CACNA1D: variants seen among roughly 807,000 people sequenced by gnomAD.
CACNA1D encodes voltage-dependent L-type calcium channel subunit alpha-1D.
In CACNA1D, 55 loss-of-function variants were observed where a neutral mutation model predicts 257.1. That is an observed-to-expected ratio of 0.21 (90% confidence interval 0.17 to 0.27). The LOEUF is 0.27. Ranked by LOEUF, CACNA1D falls within the 10% of genes least tolerant of loss-of-function variation. The probability of loss-of-function intolerance (pLI) is 1.00; values close to 1 mark genes in which losing one functional copy is unlikely to be tolerated. For synonymous variants in CACNA1D, 980 were observed against 1,014.9 expected, an observed-to-expected ratio of 0.97 and a Z score of 0.65; for missense variants, 1,876 against 2,784.0, an observed-to-expected ratio of 0.67 and a Z score of 7.34.
intron 39 of CACNA1D, among the ~76,000 whole-genome samples, chr3:53,783,779 C>T (rs2095438547): frequency 6.6e-6 from 1 of 152,116 alleles, no homozygotes; most frequent in Non-Finnish European, 1.5e-5. Context: ...AGGCCCATGT[C>T]CCCAACCTTT....
intron 39 of CACNA1D, chr3:53,786,599 G>A (rs2095454076): frequency 1.1e-5 from 6 of 564,916 alleles, no homozygotes; most frequent in Non-Finnish European, 1.9e-5. Flanking sequence ...TAGAGTATCA[G>A]TTCATTTAAC....
At chr3:53,794,669 CT>C (rs2095499767) in intron 40 of CACNA1D, among the ~76,000 whole-genome samples, 1 of 152,202 alleles carries the variant, frequency 6.6e-6, no homozygotes, top group African/African-American at 2.4e-5. Flanking sequence ...TATTTACTGT[CT>C]TAGAAATTAA....
At chr3:53,496,223 C>A (rs560680372) in intron 1 of CACNA1D, among the ~76,000 whole-genome samples, 2 of 152,352 alleles carry the variant, frequency 1.3e-5, no homozygotes, top group South Asian at 4.1e-4. Context: ...CGGAAGGCGG[C>A]AGGTGCCTGG....
chr3:53,610,925 T>G (rs1289454981), intron 3 of CACNA1D, among the ~76,000 whole-genome samples: 1 of 152,238 alleles, frequency 6.6e-6, no homozygotes, highest in Non-Finnish European at 1.5e-5. Flanking sequence ...TGTAGTGTAT[T>G]TCTGTTGGCA....
At chr3:53,809,844 G>T in intron 46 of CACNA1D, 134 bp from the exon 47 acceptor site, 2 of 799,032 alleles carry the variant, frequency 2.5e-6, no homozygotes, top group Middle Eastern at 2.2e-4. Flanking sequence ...ACTTCAGTGT[G>T]CCCATGTCCT....
chr3:53,787,432 T>TGTGTGTGTGTGTGTGC (rs2095460459), intron 40 of CACNA1D, among the ~76,000 whole-genome samples: 2 of 151,252 alleles, frequency 1.3e-5, no homozygotes, highest in African/African-American at 4.9e-5. Flanking sequence ...ATTCTGTGTG[T>TGTGTGTGTGTGTGTGC]GTGTGTGTGT....
chr3:53,774,795 G>A lies in CACNA1D; in HGVS notation c.4202+117G>A. 1 of 689,480 alleles carries A rather than the reference G, an allele frequency of 1.5e-6. No individual in the cohort carries two copies. Among genetic ancestry groups the A allele is most frequent in the Non-Finnish European group, 2.6e-6 (1 of 380,122 alleles). 42.7% of individuals were successfully genotyped at this position (689,480 alleles called of 1,614,324 possible). ...TGTGCCTTTCTCAGTTGATTGTGAT[G>A]GCTTTTTGTTTTTGTTTGTTCTGTA... is the stretch of plus-strand genomic sequence containing the variant. On this transcript the variant is annotated intron_variant, in intron 34 of 47. Transcript: ENST00000350061. The surrounding 1 kb of genome is among the most constrained non-coding windows in gnomAD (Gnocchi z 4.3).
chr3:53,622,903 T>A (rs1482397150), intron 3 of CACNA1D, among the ~76,000 whole-genome samples: 1 of 152,070 alleles, frequency 6.6e-6, no homozygotes, highest in Non-Finnish European at 1.5e-5. Flanking sequence ...CCTTTTTTTT[T>A]TTTTGAGACG....
chr3:53,538,232 C>T (rs1207100021), intron 3 of CACNA1D, among the ~76,000 whole-genome samples: 5 of 144,334 alleles, frequency 3.5e-5, no homozygotes, highest in African/African-American at 1.3e-4. Flanking sequence ...ACTGCAACCT[C>T]TGCCTCCACA....
rs3774526 is a variant in CACNA1D, at chr3:53,670,829, T to G, written c.1117-2194T>G. On this transcript the variant is annotated intron_variant, in intron 7 of 47. Coordinates refer to ENST00000350061, the MANE Select transcript of CACNA1D (RefSeq NM_001128840.3). ...CATACAGGCAAAATCCCAAGCAGTC[T>G]CTATTTTCACGTGGGTATTTTTGGG... 1.5e-3 allele frequency among the ~76,000 whole-genome samples: 231 copies of G among 152,320 alleles called. 3 individuals carry two copies. The East Asian group carries it at 0.034, about 22-fold the overall frequency.
At chr3:53,528,585 T>C in intron 3 of CACNA1D, among the ~76,000 whole-genome samples, 1 of 152,204 alleles carries the variant, frequency 6.6e-6, no homozygotes, top group South Asian at 2.1e-4. Flanking sequence ...TTCTGGGGTT[T>C]TGATTGAGAT....
intron 3 of CACNA1D, among the ~76,000 whole-genome samples, chr3:53,515,597 C>G (rs1270576010): frequency 3.3e-5 from 5 of 152,194 alleles, no homozygotes; most frequent in Non-Finnish European, 5.9e-5. Context: ...CCTGCCCTTT[C>G]TGCCACACTG....
At chr3:53,531,636 C>T (rs1311542726) in intron 3 of CACNA1D, among the ~76,000 whole-genome samples, 2 of 152,204 alleles carry the variant, frequency 1.3e-5, no homozygotes, top group African/African-American at 4.8e-5. Context: ...GATTTTTCTA[C>T]AGAGGTACCT....
At chr3:53,641,149 G>A (rs1205088098) in intron 3 of CACNA1D, among the ~76,000 whole-genome samples, 1 of 152,162 alleles carries the variant, frequency 6.6e-6, no homozygotes, top group Non-Finnish European at 1.5e-5. Context: ...GGAGGGGCAG[G>A]GGCACTGTCC....
intron 3 of CACNA1D, among the ~76,000 whole-genome samples, chr3:53,620,608 C>T (rs1438690363): frequency 1.3e-5 from 2 of 152,322 alleles, no homozygotes; most frequent in Admixed American, 1.3e-4. Context: ...TCTGTTAAAG[C>T]AGAACTCACA....
rs377640389 is a variant in CACNA1D, at chr3:53,745,626, C to T, written c.3009C>T (p.His1003=). 2.3e-5 allele frequency: 37 copies of T among 1,607,948 alleles called. No individual in the cohort carries two copies. The highest frequency in any genetic ancestry group is 8.0e-5 in the African/African-American group (6 of 74,770). ...RAINRAKGLK[H]VVQCVFVAIR... ...ACGCCCCTCTGCCCTCTCCGCAGCA[C>T]GTGGTCCAGTGCGTCTTCGTGGCCA... The change falls in exon 24 of 48, where the codon CAC becomes CAT. Residue 1003 remains histidine, a splice_region_variant and synonymous_variant. Coordinates refer to ENST00000350061, the MANE Select transcript of CACNA1D (RefSeq NM_001128840.3).
intron 39 of CACNA1D, 25 bp downstream of exon 39, chr3:53,781,692 A>G (rs769273979): frequency 4.1e-6 from 6 of 1,474,422 alleles, no homozygotes; most frequent in Non-Finnish European, 5.7e-6. Flanking sequence ...TTTCCTAAGT[A>G]GTCCTTGGCC....
Position 53,744,824 on chromosome 3 carries a change from T to A in CACNA1D, c.3003T>A (p.Leu1001=). ...GGGCCATCAACAGAGCAAAAGGACTTAAGGTTTTGATTCCTCTCCTCCCGG... is the reference window on the plus strand; with the variant it reads ...GGGCCATCAACAGAGCAAAAGGACTAAAGGTTTTGATTCCTCTCCTCCCGG... ...PLRAINRAKG[L]KHVVQCVFVA... is the part of the protein sequence containing the mutation. Residue 1001 remains leucine, a synonymous_variant, in exon 23 of 48, where the codon CTT becomes CTA. Transcript: ENST00000350061. The A allele has an allele frequency of 6.3e-7, 1 of 1,587,830 alleles. No homozygotes were observed. The highest frequency in any genetic ancestry group is 8.7e-7 in the Non-Finnish European group (1 of 1,156,036).
chr3:53,693,746 A>G (rs2094549226), intron 8 of CACNA1D, among the ~76,000 whole-genome samples: 1 of 152,140 alleles, frequency 6.6e-6, no homozygotes. Flanking sequence ...CTGTTTTACT[A>G]AAAATCTGAG....
Sources: allele counts gnomAD v4.1 joint callset (sites outside exome capture counted in the v4.1 genomes callset), GRCh38; gene constraint gnomAD v4.1.1; non-coding constraint Gnocchi (gnomAD v3.1); transcripts MANE v1.5; gene names NCBI Gene and HGNC (gene_info 2026-07-23, HGNC 2026-07-21).